The following SFSWAP variants were observed in gnomAD, a reference collection of about 807,000 sequenced individuals.
SFSWAP encodes the protein splicing factor SWAP.
A neutral mutation model predicts 100.7 loss-of-function variants in SFSWAP; 17 were observed. The ratio of observed to expected loss-of-function variants is 0.17; its 90% CI spans 0.12 to 0.25. The LOEUF is 0.25. Among genes scored for constraint, SFSWAP ranks in the 10% least tolerant of loss-of-function variants. The probability of loss-of-function intolerance (pLI) is 1.00; values close to 1 mark genes in which losing one functional copy is unlikely to be tolerated. For synonymous variants in SFSWAP, 504 were observed against 510.1 expected (o/e 0.99, Z 0.16); for missense variants, 1,005 against 1,262.6 (o/e 0.80, Z 3.09).
In SFSWAP at chr12:131,798,313, A is replaced by G. The variant is rs575845344; in HGVS notation, c.2718-724A>G. Among the ~76,000 whole-genome samples the G allele has an allele frequency of 3.3e-5, 5 of 152,204 alleles. No individual in the cohort carries two copies. The East Asian group carries it at 5.8e-4, about 18-fold the overall frequency. On this transcript the variant is annotated intron_variant, in intron 16 of 17. Coordinates refer to ENST00000261674, the MANE Select transcript of SFSWAP (RefSeq NM_004592.4). ...AGAGAGACCCTGTTTCTGAAAATGTAATAATGATAAAATGTACATCAGTGT... is the reference window on the plus strand; with the variant it reads ...AGAGAGACCCTGTTTCTGAAAATGTGATAATGATAAAATGTACATCAGTGT...
chr12:131,727,165 TATC>T, intron 6 of SFSWAP, 113 bp downstream of exon 6: 1 of 688,542 alleles, frequency 1.5e-6, no homozygotes. Context: ...TATCTTATTT[TATC>T]ATCATTGAGG....
At chr12:131,753,721 T>C (rs1160187063) in intron 8 of SFSWAP, among the ~76,000 whole-genome samples, 1 of 152,186 alleles carries the variant, frequency 6.6e-6, no homozygotes, top group Non-Finnish European at 1.5e-5. Flanking sequence ...AACATGCAGG[T>C]TCATAAAGTT....
At chr12:131,757,784 A>G (rs1882313443) in intron 11 of SFSWAP, among the ~76,000 whole-genome samples, 1 of 152,142 alleles carries the variant, frequency 6.6e-6, no homozygotes, top group African/African-American at 2.4e-5. Context: ...CTCTCATTCG[A>G]GTAGGTTACC....
At chr12:131,722,590 A>C (rs11246770) in intron 4 of SFSWAP, among the ~76,000 whole-genome samples, 22,220 of 152,132 alleles carry the variant, frequency 0.15, 2,222 homozygotes, top group East Asian at 0.52. Context: ...TTTATGAAGC[A>C]CTTACTGTGT....
Position 131,714,067 on chromosome 12 carries a change from A to G in SFSWAP, c.219-4A>G. The G allele has an allele frequency of 6.2e-7, 1 of 1,612,386 alleles. No individual in the cohort carries two copies. Among genetic ancestry groups the G allele is most frequent in the South Asian group, 1.1e-5 (1 of 90,998 alleles). Reference sequence around the variant, plus strand: ...TTTTATTGACCAGCTTGTTCACATTACAGATATGATGGACGTGGTCACCTG... The same window carrying G: ...TTTTATTGACCAGCTTGTTCACATTGCAGATATGATGGACGTGGTCACCTG... On this transcript the variant is annotated splice_region_variant and splice_polypyrimidine_tract_variant and intron_variant, in intron 1 of 17. Transcript: ENST00000261674. This position sits in a 1 kb window ranked among gnomAD's most constrained non-coding sequence, Gnocchi z 6.0.
At position 131,797,168 on chromosome 12, in the gene SFSWAP, T is replaced by C; in HGVS notation, c.2535-10T>C. On this transcript the variant is annotated splice_polypyrimidine_tract_variant and intron_variant, in intron 15 of 17. Coordinates refer to ENST00000261674, the MANE Select transcript of SFSWAP (RefSeq NM_004592.4). The stretch of plus-strand genomic sequence containing the variant: ...AAGCTGCATCTCTCACAGAAACTCT[T>C]GCCTTTCAGAAGTCCCCACGAGAAG... 6.2e-7 allele frequency: 1 copy of C among 1,603,630 alleles called. No homozygotes were observed. The highest frequency in any genetic ancestry group is 8.5e-7 in the Non-Finnish European group (1 of 1,177,660).
chr12:131,773,813 C>G (rs1030607289), intron 13 of SFSWAP, among the ~76,000 whole-genome samples: 7 of 152,206 alleles, frequency 4.6e-5, no homozygotes, highest in Non-Finnish European at 1.0e-4. Context: ...GTGACCATGA[C>G]TGCATTTGAG....
rs538575894 is a variant in SFSWAP at position 131,754,440 on chromosome 12, G to A, written c.1395G>A (p.Glu465=). 6.2e-7 allele frequency: 1 copy of A among 1,604,996 alleles called. No homozygotes were observed. Among genetic ancestry groups the A allele is most frequent in the East Asian group, 2.3e-5 (1 of 43,898 alleles). Residue 465 remains glutamate, a synonymous_variant, in exon 9 of 18, where the codon GAG becomes GAA. Coordinates refer to ENST00000261674, the MANE Select transcript of SFSWAP (RefSeq NM_004592.4). The part of the protein sequence containing the change: ...DVQPVIDKLA[E]YVARNGLKFE... ...AGCCCGTGATTGACAAGCTGGCCGA[G>A]TATGTCGCCAGGAACGGCCTGAAGT...
At chr12:131,746,875 C>T (rs550146788) in intron 7 of SFSWAP, among the ~76,000 whole-genome samples, 16 of 152,160 alleles carry the variant, frequency 1.1e-4, no homozygotes, top group Middle Eastern at 3.4e-3. Flanking sequence ...GAGGCCAAGG[C>T]GGGCAGATCA....
intron 12 of SFSWAP, among the ~76,000 whole-genome samples, chr12:131,765,275 T>C (rs1400370737): frequency 1.3e-5 from 2 of 152,262 alleles, no homozygotes; most frequent in African/African-American, 4.8e-5. Context: ...TGCTGCATTG[T>C]GGTTGTTATC....
In SFSWAP at chr12:131,756,624, C is replaced by T. The variant is rs148916194; in HGVS notation, c.1700C>T (p.Pro567Leu). Residue 567 changes from proline to leucine, a missense_variant, in exon 11 of 18, where the codon CCG becomes CTG. This residue lies in a region of SFSWAP where 82 missense variants were observed against 131.0 expected (regional missense o/e 0.63). Coordinates refer to ENST00000261674, the MANE Select transcript of SFSWAP (RefSeq NM_004592.4). ...KKEASSSKTV[P>L]DGKLVKASFA... ...GAGGCATCGTCCAGTAAGACCGTCC[C>T]GGACGGGAAGCTGGTGAAAGGTATG... The T allele has an allele frequency of 1.3e-5, 21 of 1,599,336 alleles. No individual in the cohort carries two copies. The highest frequency in any genetic ancestry group is 2.2e-5 in the East Asian group (1 of 44,618).
chr12:131,756,850 G>A (rs939469287), intron 11 of SFSWAP: 8 of 566,618 alleles, frequency 1.4e-5, no homozygotes, highest in Non-Finnish European at 2.5e-5. Flanking sequence ...AGTGTGAGCA[G>A]CCCTTAGGTA....
chr12:131,775,986 C>G (rs1197090226), intron 13 of SFSWAP, among the ~76,000 whole-genome samples: 4 of 151,870 alleles, frequency 2.6e-5, no homozygotes, highest in African/African-American at 9.7e-5. Context: ...CCTGTAATCC[C>G]AGCTACTCAG....
chr12:131,727,553 G>T lies in SFSWAP; in HGVS notation c.945+501G>T, dbSNP rs147874821. Among the ~76,000 whole-genome samples the T allele has an allele frequency of 6.7e-3, 1,024 of 152,296 alleles. 42 individuals carry two copies. The highest frequency in any genetic ancestry group is 0.061 in the Admixed American group (935 of 15,300). ...CCAGCTACTCGGGAGGCTGAGGCAC[G>T]AGAATTGCTTGAACCTAGTAAGTGG... On this transcript the variant is annotated intron_variant, in intron 6 of 17. Coordinates refer to ENST00000261674, the MANE Select transcript of SFSWAP (RefSeq NM_004592.4).
intron 8 of SFSWAP, 29 bp from the exon 9 acceptor site, chr12:131,754,339 C>T (rs753385464): frequency 4.0e-6 from 6 of 1,486,982 alleles, no homozygotes; most frequent in Non-Finnish European, 3.6e-6. Flanking sequence ...CCCTGAAGCC[C>T]AGGGGTCTCA....
At chr12:131,768,801 G>A (rs903742801) in intron 13 of SFSWAP, among the ~76,000 whole-genome samples, 21 of 152,192 alleles carry the variant, frequency 1.4e-4, no homozygotes, top group African/African-American at 4.6e-4. Flanking sequence ...AGTTATGGCC[G>A]AAGGATCTGT....
rs1245487986 is a variant in SFSWAP at position 131,734,178 on chromosome 12, C to T, written c.1081+5750C>T. ...CCCCTGGCACAGAGAGCGTGTTCATCGCTGGCTCCTGCCGCCCTCGAGGAC... is the reference window on the plus strand; with the variant it reads ...CCCCTGGCACAGAGAGCGTGTTCATTGCTGGCTCCTGCCGCCCTCGAGGAC... On this transcript the variant is annotated intron_variant, in intron 7 of 17. Transcript: ENST00000261674. This position sits in a 1 kb window ranked among gnomAD's most constrained non-coding sequence, Gnocchi z 4.9. Among the ~76,000 whole-genome samples the T allele has an allele frequency of 6.6e-6, 1 of 152,234 alleles. No homozygotes were observed. The highest frequency in any genetic ancestry group is 2.4e-5 in the African/African-American group (1 of 41,464).
At chr12:131,756,676 A>T in intron 11 of SFSWAP, 32 bp downstream of exon 11, 1 of 1,535,950 alleles carries the variant, frequency 6.5e-7, no homozygotes, top group Non-Finnish European at 8.8e-7. Flanking sequence ...GGCCTTGCAC[A>T]TTCCACCATA....
At chr12:131,776,076 C>T (rs543412787) in intron 13 of SFSWAP, among the ~76,000 whole-genome samples, 15 of 152,170 alleles carry the variant, frequency 9.9e-5, no homozygotes, top group East Asian at 9.7e-4. Flanking sequence ...CACTCCACCC[C>T]GGCAACAGAG....
Sources: gnomAD v4.1 joint callset for allele counts (sites outside exome capture counted in the v4.1 genomes callset) on GRCh38, gnomAD v4.1.1 for gene constraint, gnomAD v4.1.1 regional missense constraint, Gnocchi (gnomAD v3.1) non-coding constraint, MANE v1.5 for transcripts, NCBI Gene and HGNC (gene_info 2026-07-23, HGNC 2026-07-21) for gene names.